HS3ST4: variants seen among roughly 807,000 people sequenced by gnomAD.
The protein encoded by HS3ST4 is heparan sulfate-glucosamine 3-sulfotransferase 4.
Under a neutral mutation model 29.2 loss-of-function variants are expected in HS3ST4, and 17 were observed. The observed-to-expected ratio is 0.58, with a 90% CI of 0.40 to 0.87. The LOEUF is 0.87. Among genes scored for constraint, HS3ST4 ranks in the 40% least tolerant of loss-of-function variants. The probability of loss-of-function intolerance (pLI) is 0.00; values close to 1 mark genes in which losing one functional copy is unlikely to be tolerated. For synonymous variants in HS3ST4, 314 were observed against 285.7 expected, an observed-to-expected ratio of 1.10 and a Z score of -1.00; for missense variants, 627 against 634.5, an observed-to-expected ratio of 0.99 and a Z score of 0.13.
chr16:25,945,467 C>T (rs1007331149), intron 1 of HS3ST4, among the ~76,000 whole-genome samples: 1 of 128,880 alleles, frequency 7.8e-6, no homozygotes, highest in Non-Finnish European at 1.6e-5. Context: ...TCATTATACA[C>T]CTTCTTTTGT....
At chr16:25,695,360 G>A (rs1966287502) in intron 1 of HS3ST4, among the ~76,000 whole-genome samples, 1 of 152,186 alleles carries the variant, frequency 6.6e-6, no homozygotes, top group Admixed American at 6.5e-5. Context: ...GCCAATACAT[G>A]TCTGTCTAAC....
intron 1 of HS3ST4, among the ~76,000 whole-genome samples, chr16:26,115,266 T>TACACACAC (rs140596443): frequency 1.3e-5 from 2 of 148,486 alleles, no homozygotes; most frequent in African/African-American, 5.0e-5. Flanking sequence ...TACATATATA[T>TACACACAC]ACACACACAC....
At chr16:25,806,013 A>G (rs1966987422) in intron 1 of HS3ST4, among the ~76,000 whole-genome samples, 1 of 152,196 alleles carries the variant, frequency 6.6e-6, no homozygotes, top group Non-Finnish European at 1.5e-5. Flanking sequence ...AGCTCCATCC[A>G]TGTCCCTGCA....
At chr16:25,742,049 T>G (rs150432453) in intron 1 of HS3ST4, among the ~76,000 whole-genome samples, 6 of 152,342 alleles carry the variant, frequency 3.9e-5, no homozygotes, top group African/African-American at 1.4e-4. Context: ...ATAGTGACCG[T>G]TACTCTCAGA....
chr16:26,012,045 T>A (rs1010467991), intron 1 of HS3ST4, among the ~76,000 whole-genome samples: 2 of 152,204 alleles, frequency 1.3e-5, no homozygotes, highest in African/African-American at 4.8e-5. Flanking sequence ...CGATTAATGC[T>A]CCTTTAATGA....
chr16:25,932,432 T>C (rs1027873651), intron 1 of HS3ST4, among the ~76,000 whole-genome samples: 20 of 152,226 alleles, frequency 1.3e-4, no homozygotes, highest in Non-Finnish European at 1.5e-5. Flanking sequence ...CTTGCTGATA[T>C]CTTACCTCCA....
At chr16:25,907,318 G>C (rs1179646003) in intron 1 of HS3ST4, among the ~76,000 whole-genome samples, 1 of 152,222 alleles carries the variant, frequency 6.6e-6, no homozygotes, top group Non-Finnish European at 1.5e-5. Flanking sequence ...GAGGGCTTCA[G>C]TAGGAAAGCT....
chr16:25,935,548 C>T (rs1030470621), intron 1 of HS3ST4, among the ~76,000 whole-genome samples: 1 of 152,144 alleles, frequency 6.6e-6, no homozygotes, highest in Non-Finnish European at 1.5e-5. Context: ...TCCAGAATGT[C>T]ATATAGTTGG....
chr16:25,712,957 A>G (rs1458968038), intron 1 of HS3ST4, among the ~76,000 whole-genome samples: 1 of 152,138 alleles, frequency 6.6e-6, no homozygotes, highest in Non-Finnish European at 1.5e-5. Flanking sequence ...GTGTCTTCAC[A>G]TGGTCTTCCC....
At chr16:25,755,421 G>A (rs139887833) in intron 1 of HS3ST4, among the ~76,000 whole-genome samples, 55 of 152,320 alleles carry the variant, frequency 3.6e-4, no homozygotes, top group African/African-American at 1.2e-3. Flanking sequence ...AGAGGAAATA[G>A]CATGCCCAAA....
chr16:26,093,017 G>A (rs1596678193), intron 1 of HS3ST4, among the ~76,000 whole-genome samples: 3 of 152,330 alleles, frequency 2.0e-5, no homozygotes, highest in South Asian at 4.1e-4. Context: ...CAAACTGTGA[G>A]GCGGCAGCCT....
At chr16:25,703,680 C>T (rs555771321) in intron 1 of HS3ST4, among the ~76,000 whole-genome samples, 213 of 152,328 alleles carry the variant, frequency 1.4e-3, no homozygotes, top group Non-Finnish European at 2.6e-3. Context: ...GAGTCTTGCC[C>T]TCACAGTAAA....
intron 1 of HS3ST4, among the ~76,000 whole-genome samples, chr16:25,697,391 A>G (rs1966305242): frequency 1.3e-5 from 2 of 152,250 alleles, no homozygotes; most frequent in South Asian, 4.1e-4. Flanking sequence ...AAAATGTCCA[A>G]ATTGAAATGT....
intron 1 of HS3ST4, among the ~76,000 whole-genome samples, chr16:25,783,920 T>G (rs1966854958): frequency 6.6e-6 from 1 of 152,254 alleles, no homozygotes; most frequent in South Asian, 2.1e-4. Flanking sequence ...TTTGTTTGTT[T>G]GTTTACACAT....
chr16:25,888,186 C>T (rs574991175), intron 1 of HS3ST4, among the ~76,000 whole-genome samples: 2 of 152,246 alleles, frequency 1.3e-5, no homozygotes, highest in Admixed American at 6.5e-5. Context: ...TACTGCTACA[C>T]TGGAACGGTT....
chr16:25,916,711 G>A (rs1283257226), intron 1 of HS3ST4, among the ~76,000 whole-genome samples: 2 of 119,658 alleles, frequency 1.7e-5, no homozygotes, highest in Admixed American at 1.1e-4. Context: ...ACAGAGTCTC[G>A]CGCTGTCCCC....
chr16:25,734,825 G>T (rs1303660380), intron 1 of HS3ST4, among the ~76,000 whole-genome samples: 1 of 152,138 alleles, frequency 6.6e-6, no homozygotes, highest in Admixed American at 6.5e-5. Flanking sequence ...TGATGGTGGG[G>T]ATTTCAGGAT....
intron 1 of HS3ST4, among the ~76,000 whole-genome samples, chr16:25,831,603 T>TA (rs1294388872): frequency 1.3e-5 from 2 of 150,626 alleles, no homozygotes; most frequent in East Asian, 2.0e-4. Flanking sequence ...AAAATAAAAA[T>TA]AAAAATAAAG....
At chr16:25,772,407 G>A (rs1219756106) in intron 1 of HS3ST4, among the ~76,000 whole-genome samples, 1 of 152,134 alleles carries the variant, frequency 6.6e-6, no homozygotes, top group Non-Finnish European at 1.5e-5. Context: ...AGGATTCTGT[G>A]TTTATGCTGT....
Sources: allele counts gnomAD v4.1 joint callset (sites outside exome capture counted in the v4.1 genomes callset), GRCh38; gene constraint gnomAD v4.1.1; transcripts MANE v1.5; gene names NCBI Gene and HGNC (gene_info 2026-07-23, HGNC 2026-07-21).